The following PLCH2 variants were observed in gnomAD, a reference collection of about 807,000 sequenced individuals.
The protein encoded by PLCH2 is phospholipase C eta 2, also known as 1-phosphatidylinositol 4,5-bisphosphate phosphodiesterase eta-2.
A neutral mutation model predicts 134.7 loss-of-function variants in PLCH2; 98 were observed. The observed-to-expected ratio is 0.73, with a 90% CI of 0.62 to 0.86. PLCH2 has a LOEUF of 0.86. Ranked by LOEUF, PLCH2 falls within the 40% of genes least tolerant of loss-of-function variation. PLCH2 has a pLI of 0.00. For missense variants in PLCH2, 1,994 were observed against 1,986.6 expected (o/e 1.00, Z -0.07); for synonymous variants, 974 against 827.5 (o/e 1.18, Z -3.04).
intron 13 of PLCH2, among the ~76,000 whole-genome samples, chr1:2,495,802 C>A (rs1432902817): frequency 6.6e-6 from 1 of 152,070 alleles, no homozygotes; most frequent in Non-Finnish European, 1.5e-5. Context: ...CCCAGGTCCC[C>A]ACAGCCCTGG....
chr1:2,459,620 GTGGTCCTCCTTGCCT>G (rs1159587817), intron 2 of PLCH2, among the ~76,000 whole-genome samples: 4 of 33,788 alleles, frequency 1.2e-4, no homozygotes, highest in African/African-American at 3.8e-4. Flanking sequence ...CTCCTTGCCT[GTGGTCCTCCTTGCCT>G]GTGGTCTTCC....
chr1:2,468,482 A>C (rs3118347), intron 1 of PLCH2, among the ~76,000 whole-genome samples: 57,174 of 116,336 alleles, frequency 0.49, 11,965 homozygotes, highest in East Asian at 0.67. Flanking sequence ...GGCAGGGTCT[A>C]CAGCTCCCCA....
rs923232366 is a variant in PLCH2, at chr1:2,444,613, G to A, written c.115+13984G>A. ...GCTACAGGGTATTCTTTAGGGAGAT[G>A]GGCTCTGCTGGAGCTGGTGGAGGAA... On this transcript the variant is annotated intron_variant, in intron 2 of 3. Coordinates refer to the PLCH2 transcript ENST00000609981. This position sits in a 1 kb window ranked among gnomAD's most constrained non-coding sequence, Gnocchi z 4.6. Among the ~76,000 whole-genome samples, 4 of 152,138 alleles carry A rather than the reference G, an allele frequency of 2.6e-5. No homozygotes were observed. The highest frequency in any genetic ancestry group is 5.9e-5 in the Non-Finnish European group (4 of 68,008).
At chr1:2,450,117 C>T (rs1183507898) in intron 2 of PLCH2, among the ~76,000 whole-genome samples, 2 of 152,238 alleles carry the variant, frequency 1.3e-5, no homozygotes, top group Admixed American at 1.3e-4. Context: ...TGAGGCTTGT[C>T]CAGGAACAGG....
rs1213689085 is a variant in PLCH2 at position 2,498,920 on chromosome 1, G to C, written c.2434+92G>C. ...TGGTGTGCCCGGGTGCCCTGCCCAG[G>C]CCTCCCTCAGTGACAGTCCTGGGCG... On this transcript the variant is annotated intron_variant, in intron 18 of 21. Coordinates refer to ENST00000378486, the MANE Select transcript of PLCH2 (RefSeq NM_014638.4). This position sits in a 1 kb window ranked among gnomAD's most constrained non-coding sequence, Gnocchi z 5.4. 1.5e-6 allele frequency: 2 copies of C among 1,345,644 alleles called. No homozygotes were observed. Among genetic ancestry groups the C allele is most frequent in the Admixed American group, 4.0e-5 (2 of 50,580 alleles). The allele number at this position is 1,345,644 out of a possible 1,614,324, so 83.4% of individuals were successfully genotyped here. A position where few individuals can be genotyped will look rare whatever the true frequency, so the allele number is the denominator to read the frequency against.
chr1:2,484,732 C>T, intron 5 of PLCH2, 114 bp downstream of exon 5: 2 of 1,207,392 alleles, frequency 1.7e-6, no homozygotes, highest in African/African-American at 1.5e-5. Context: ...TGAAGCTATC[C>T]CAGGCCAGGG....
At chr1:2,491,570 A>G (rs1642584456) in intron 11 of PLCH2, among the ~76,000 whole-genome samples, 2 of 152,088 alleles carry the variant, frequency 1.3e-5, no homozygotes, top group Admixed American at 1.3e-4. Context: ...AGCTGGGGGG[A>G]CATGATTGCC....
chr1:2,490,187 C>T (rs1642497152), intron 10 of PLCH2, among the ~76,000 whole-genome samples: 1 of 152,170 alleles, frequency 6.6e-6, no homozygotes, highest in Non-Finnish European at 1.5e-5. Flanking sequence ...CCACGCCAGA[C>T]TCCACCCCAT....
chr1:2,450,633 C>T (rs2985854), intron 2 of PLCH2, among the ~76,000 whole-genome samples: 1 of 82,470 alleles, frequency 1.2e-5, no homozygotes, highest in Non-Finnish European at 2.5e-5. Flanking sequence ...CTCCAACTCC[C>T]CCCCTGCCCC....
In PLCH2 at chr1:2,495,802, C is replaced by T. The variant is rs1432902817; in HGVS notation, c.1835+232C>T. ...CAGGTGGCTGGAGGGCCCAGGTCCC[C>T]ACAGCCCTGGATGCTGCCGGGCTGT... On this transcript the variant is annotated intron_variant, in intron 13 of 21. Transcript: ENST00000378486. 5.3e-5 allele frequency among the ~76,000 whole-genome samples: 8 copies of T among 152,188 alleles called. No individual in the cohort carries two copies. In the East Asian group the frequency reaches 1.6e-3, roughly 29 times the overall value.
At chr1:2,434,230 G>T (rs1557940061) in intron 2 of PLCH2, among the ~76,000 whole-genome samples, 1 of 152,220 alleles carries the variant, frequency 6.6e-6, no homozygotes, top group Non-Finnish European at 1.5e-5. Flanking sequence ...GCCTGGGCAG[G>T]GGGCACCGCG....
Position 2,498,244 on chromosome 1 carries a change from G to C in PLCH2, c.2225-279G>C. ...AGAGACCCCACCCCTCATACCCCCA[G>C]GGACCCAGACCCACCCCCAGAAGCC... On this transcript the variant is annotated intron_variant, in intron 16 of 21. Coordinates refer to ENST00000378486, the MANE Select transcript of PLCH2 (RefSeq NM_014638.4). The surrounding 1 kb of genome is among the most constrained non-coding windows in gnomAD (Gnocchi z 5.4). 2.1e-5 allele frequency: 8 copies of C among 374,300 alleles called. No homozygotes were observed. The highest frequency in any genetic ancestry group is 5.1e-5 in the East Asian group (1 of 19,564). The allele number at this position is 374,300 out of a possible 1,614,324, so 23.2% of individuals were successfully genotyped here.
At chr1:2,472,181 G>A (rs558687932), upstream of PLCH2, among the ~76,000 whole-genome samples, 296 of 152,342 alleles carry the variant, frequency 1.9e-3, no homozygotes, top group African/African-American at 7.0e-3. Context: ...AATAGTTGGG[G>A]AGGAGGCTCC....
intron 8 of PLCH2, among the ~76,000 whole-genome samples, chr1:2,488,831 A>G (rs577313803): frequency 1.4e-3 from 206 of 152,332 alleles, no homozygotes; most frequent in Non-Finnish European, 2.0e-3. Context: ...TCTATTTCCC[A>G]GCCTATCTAT....
At chr1:2,434,258 C>G (rs902126375) in intron 2 of PLCH2, among the ~76,000 whole-genome samples, 1 of 152,228 alleles carries the variant, frequency 6.6e-6, no homozygotes, top group Admixed American at 6.5e-5. Flanking sequence ...CAGGTCAGTC[C>G]CTGCCTGAAG....
At chr1:2,461,331 C>T (rs1325663539) in intron 2 of PLCH2, among the ~76,000 whole-genome samples, 2 of 152,184 alleles carry the variant, frequency 1.3e-5, no homozygotes, top group Non-Finnish European at 2.9e-5. Context: ...GGCCAGGGCC[C>T]TTCTGGTGGT....
intron 2 of PLCH2, among the ~76,000 whole-genome samples, chr1:2,460,899 GC>G (rs1366329482): frequency 6.6e-6 from 1 of 152,248 alleles, no homozygotes; most frequent in Non-Finnish European, 1.5e-5. Flanking sequence ...GGCAACAGCT[GC>G]GGGTTCGCCT....
intron 1 of PLCH2, among the ~76,000 whole-genome samples, chr1:2,477,670 G>T (rs1641708071): frequency 6.6e-6 from 1 of 152,166 alleles, no homozygotes; most frequent in East Asian, 1.9e-4. Flanking sequence ...ACAGCAGGAG[G>T]CTGAATGGAG....
the PLCH2 span, among the ~76,000 whole-genome samples, chr1:2,419,952 G>A: frequency 3.3e-5 from 5 of 151,654 alleles, no homozygotes; most frequent in East Asian, 9.8e-4. Flanking sequence ...TTCAAGCATA[G>A]CAGGCCAAGT....
Sources: gnomAD v4.1 joint callset for allele counts (sites outside exome capture counted in the v4.1 genomes callset) on GRCh38, gnomAD v4.1.1 for gene constraint, Gnocchi (gnomAD v3.1) non-coding constraint, MANE v1.5 for transcripts, NCBI Gene and HGNC (gene_info 2026-07-23, HGNC 2026-07-21) for gene names.